BIVM: variants seen among roughly 807,000 people sequenced by gnomAD.
The protein encoded by BIVM is basic immunoglobulin-like variable motif-containing protein.
BIVM carries 31 observed loss-of-function variants against 61.4 expected under a neutral mutation model. That is an observed-to-expected ratio of 0.51 (90% confidence interval 0.38 to 0.68). BIVM has a LOEUF of 0.68. Ranked by LOEUF, BIVM falls within the 30% of genes least tolerant of loss-of-function variation. BIVM has a pLI of 0.00. For synonymous variants in BIVM, 189 were observed against 210.7 expected, an observed-to-expected ratio of 0.90 and a Z score of 0.89; for missense variants, 526 against 596.0, an observed-to-expected ratio of 0.88 and a Z score of 1.22.
intron 9 of BIVM, 24 bp from the exon 10 acceptor site, chr13:102,838,619 T>G: frequency 6.3e-7 from 1 of 1,586,628 alleles, no homozygotes; most frequent in Non-Finnish European, 8.6e-7. Flanking sequence ...AAAATTGTGC[T>G]TTATCCTTTC....
In BIVM at chr13:102,839,922, T is replaced by C; in HGVS notation, c.*57T>C. ...TATGAAACTGCTATATACAGGACTG[T>C]ATAAAGACAGTAGAAGATTTTAGTA... is the stretch of plus-strand genomic sequence containing the variant. On this transcript the variant is annotated 3_prime_UTR_variant, in exon 11 of 11. Transcript: ENST00000257336. The C allele has an allele frequency of 6.7e-7, 1 of 1,497,370 alleles. No individual in the cohort carries two copies. Among genetic ancestry groups the C allele is most frequent in the Non-Finnish European group, 8.9e-7 (1 of 1,121,004 alleles). The allele number at this position is 1,497,370 out of a possible 1,614,324, so 92.8% of individuals were successfully genotyped here.
In BIVM at chr13:102,840,740, A is replaced by T. The variant is rs147004122; in HGVS notation, c.*875A>T. ...TTTTTTTGGTGCAAATGGGTGACTTAGTGCATTGATTCAGATTTTTAAAAT... is the reference window on the plus strand; with the variant it reads ...TTTTTTTGGTGCAAATGGGTGACTTTGTGCATTGATTCAGATTTTTAAAAT... On this transcript the variant is annotated 3_prime_UTR_variant, in exon 11 of 11. Coordinates refer to ENST00000257336, the MANE Select transcript of BIVM (RefSeq NM_017693.4). 6.7e-6 allele frequency: 1 copy of T among 149,682 alleles called. No individual in the cohort carries two copies. The highest frequency in any genetic ancestry group is 6.6e-5 in the Admixed American group (1 of 15,070). 9.3% of individuals were successfully genotyped at this position (149,682 alleles called of 1,614,324 possible). A position where few individuals can be genotyped will look rare whatever the true frequency, so the allele number is the denominator to read the frequency against.
intron 5 of BIVM, 70 bp downstream of exon 5, chr13:102,821,202 A>C: frequency 1.5e-6 from 2 of 1,366,144 alleles, no homozygotes; most frequent in Non-Finnish European, 2.0e-6. Flanking sequence ...TATAACAGAA[A>C]AAAATTTAAG....
chr13:102,839,259 A>G (rs377577211), intron 10 of BIVM, among the ~76,000 whole-genome samples: 1 of 152,344 alleles, frequency 6.6e-6, no homozygotes, highest in Admixed American at 6.5e-5. Context: ...TATATGAAGA[A>G]TAGGAGAGAG....
In BIVM at chr13:102,834,572, TTTTC is replaced by T. The variant is rs1174321475; in HGVS notation, c.1121+24_1121+27del. On this transcript the variant is annotated intron_variant, in intron 9 of 10. Coordinates refer to ENST00000257336, the MANE Select transcript of BIVM (RefSeq NM_017693.4). ...TAAAAAGTATGTTAACTTCCCTTTATTTTCTTTAATTGAGGTAACATTTAGATAC... is the reference window on the plus strand; with the variant it reads ...TAAAAAGTATGTTAACTTCCCTTTATTTTAATTGAGGTAACATTTAGATAC... The T allele has an allele frequency of 6.4e-7, 1 of 1,560,948 alleles. No homozygotes were observed. Among genetic ancestry groups the T allele is most frequent in the South Asian group, 1.2e-5 (1 of 81,812 alleles).
chr13:102,800,388 G>T (rs1878670520), intron 1 of BIVM: 1 of 152,432 alleles, frequency 6.6e-6, no homozygotes, highest in African/African-American at 2.4e-5. Context: ...GAGTAGGGGC[G>T]AGGAGGCCTC....
At chr13:102,834,908 G>A (rs898423241) in intron 9 of BIVM, among the ~76,000 whole-genome samples, 2 of 152,050 alleles carry the variant, frequency 1.3e-5, no homozygotes, top group African/African-American at 4.8e-5. Flanking sequence ...TTTTATTGCT[G>A]AGTAGTATTC....
At chr13:102,819,645 T>G (rs1880102195) in intron 4 of BIVM, among the ~76,000 whole-genome samples, 1 of 152,022 alleles carries the variant, frequency 6.6e-6, no homozygotes, top group South Asian at 2.1e-4. Flanking sequence ...GAAAAATAGC[T>G]AATGCACACA....
intron 7 of BIVM, among the ~76,000 whole-genome samples, chr13:102,829,802 G>A (rs1309384016): frequency 6.6e-6 from 1 of 151,968 alleles, no homozygotes. Context: ...TCATGCCACT[G>A]CACTCCAGCC....
At chr13:102,830,268 C>T (rs1294814623) in intron 7 of BIVM, among the ~76,000 whole-genome samples, 1 of 152,182 alleles carries the variant, frequency 6.6e-6, no homozygotes. Flanking sequence ...CCTTGGCTCT[C>T]TTCTGCGGCC....
chr13:102,820,983 G>A, intron 4 of BIVM, 54 bp from the exon 5 acceptor site: 1 of 1,519,374 alleles, frequency 6.6e-7, no homozygotes, highest in Non-Finnish European at 9.0e-7. Context: ...TCTATTTCTA[G>A]CATGCATATT....
intron 1 of BIVM, chr13:102,801,810 G>C (rs1878771084): frequency 6.6e-6 from 1 of 152,284 alleles, no homozygotes; most frequent in South Asian, 2.1e-4. Flanking sequence ...TGTGAGGAAG[G>C]TACTAGAGTC....
At position 102,807,454 on chromosome 13, in the gene BIVM, C is replaced by A; in HGVS notation, c.187C>A (p.Arg63=). 1 of 1,614,138 alleles carries A rather than the reference C, an allele frequency of 6.2e-7. No individual in the cohort carries two copies. The highest frequency in any genetic ancestry group is 1.6e-4 in the Middle Eastern group (1 of 6,062). Reference sequence around the variant, plus strand: ...ATGGAGTTGTCCAGTGACTCATACACGGGAAAAAATTTATGCCATCTGTTC... The same window carrying A: ...ATGGAGTTGTCCAGTGACTCATACAAGGGAAAAAATTTATGCCATCTGTTC... ...YPWSCPVTHT[R]EKIYAICSDY... The change falls in exon 3 of 11, where the codon CGG becomes AGG. Residue 63 remains arginine (R), a synonymous_variant. Transcript: ENST00000257336. The surrounding 1 kb of genome is among the most constrained non-coding windows in gnomAD (Gnocchi z 4.0).
chr13:102,819,675 T>C (rs1012829159), intron 4 of BIVM, among the ~76,000 whole-genome samples: 24 of 151,942 alleles, frequency 1.6e-4, no homozygotes, highest in African/African-American at 5.3e-4. Flanking sequence ...ACCTAGGTAA[T>C]GGGTTGATAG....
At chr13:102,811,636 G>A (rs1346015790) in intron 3 of BIVM, among the ~76,000 whole-genome samples, 2 of 152,238 alleles carry the variant, frequency 1.3e-5, no homozygotes, top group Non-Finnish European at 2.9e-5. Context: ...CAATTCTCCT[G>A]CCTCAGCCTC....
At chr13:102,814,200 G>A (rs560297895) in intron 3 of BIVM, among the ~76,000 whole-genome samples, 58 of 152,208 alleles carry the variant, frequency 3.8e-4, no homozygotes, top group African/African-American at 1.1e-3. Context: ...AGTGGGCGAA[G>A]GTTCTTGAAG....
intron 3 of BIVM, among the ~76,000 whole-genome samples, chr13:102,811,768 C>T (rs1359217330): frequency 6.6e-6 from 1 of 152,242 alleles, no homozygotes; most frequent in East Asian, 1.9e-4. Flanking sequence ...GGTCATCCGC[C>T]TGCCTCAGCC....
At position 102,834,537 on chromosome 13, in the gene BIVM, C is replaced by A; in HGVS notation, c.1106C>A (p.Ala369Asp). Residue 369 changes from alanine to aspartate, a missense_variant, in exon 9 of 11, where the codon GCC becomes GAC. Physicochemically the swap from Ala to Asp is moderately radical, Grantham distance 126. Transcript: ENST00000257336. ...GGAGAATCAAGTAGAAAACATCCTG[C>A]CATTCACTGTAAAAAGTATGTTAAC... Reference protein sequence around the residue: ...LIGESSRKHPAIHCKKWADIV... With the variant: ...LIGESSRKHPDIHCKKWADIV... 1 of 1,586,608 alleles carries A rather than the reference C, an allele frequency of 6.3e-7. No homozygotes were observed. The highest frequency in any genetic ancestry group is 1.9e-5 in the Admixed American group (1 of 51,668).
intron 3 of BIVM, among the ~76,000 whole-genome samples, chr13:102,814,271 C>T (rs1050883882): frequency 1.3e-5 from 2 of 152,154 alleles, no homozygotes; most frequent in East Asian, 3.9e-4. Flanking sequence ...TCTCAAACGG[C>T]GCTTTCACTT....
Sources: allele counts gnomAD v4.1 joint callset (sites outside exome capture counted in the v4.1 genomes callset), GRCh38; gene constraint gnomAD v4.1.1; non-coding constraint Gnocchi (gnomAD v3.1); transcripts MANE v1.5; gene names NCBI Gene and HGNC (gene_info 2026-07-23, HGNC 2026-07-21).